Variants in FRMPD2 observed in about 807,000 individuals in gnomAD.
FRMPD2 encodes the protein FERM and PDZ domain containing 2.
Under a neutral mutation model 140.1 loss-of-function variants are expected in FRMPD2, and 96 were observed. The observed-to-expected ratio is 0.69, with a 90% confidence interval of 0.58 to 0.81. The LOEUF (loss-of-function observed/expected upper bound fraction) is 0.81, where lower values mean the gene tolerates loss of function less well. Ranked by LOEUF, FRMPD2 falls within the 40% of genes least tolerant of loss-of-function variation. FRMPD2 has a pLI of 0.00. For missense variants in FRMPD2, 1,240 were observed against 1,447.4 expected, an observed-to-expected ratio of 0.86 and a Z score of 2.32; for synonymous variants, 449 against 547.6, an observed-to-expected ratio of 0.82 and a Z score of 2.52.
At chr10:48,255,623 G>A (rs567815155) in intron 1 of FRMPD2, among the ~76,000 whole-genome samples, 1 of 152,340 alleles carries the variant, frequency 6.6e-6, no homozygotes, top group South Asian at 2.1e-4. Context: ...GAGAAGGTAA[G>A]CAAATAAAAT....
chr10:48,191,587 A>G (rs1838831271), intron 16 of FRMPD2, among the ~76,000 whole-genome samples: 1 of 152,184 alleles, frequency 6.6e-6, no homozygotes, highest in African/African-American at 2.4e-5. Context: ...AATTATGGAT[A>G]TAGATATAGG....
At chr10:48,265,053 A>G (rs1218611660) in intron 1 of FRMPD2, among the ~76,000 whole-genome samples, 1 of 152,234 alleles carries the variant, frequency 6.6e-6, no homozygotes, top group East Asian at 1.9e-4. Context: ...GCCCAGAAAT[A>G]AGGCCACACA....
rs1182500983 is a variant in FRMPD2 at position 48,223,236 on chromosome 10, T to A, written c.1203A>T (p.Arg401Ser). Residue 401 changes from arginine (R) to serine (S), a missense_variant, in exon 11 of 29, where the codon AGA (arginine) becomes AGT (serine). By Grantham distance (110) the Arg-to-Ser change is moderately radical. Transcript: ENST00000374201. Reference sequence around the variant, plus strand: ...AGCCTTCAGGAGCTATTTTGCACAATCTGGTTTCACTGTCCAGGAAAAAGA... The same window carrying A: ...AGCCTTCAGGAGCTATTTTGCACAAACTGGTTTCACTGTCCAGGAAAAAGA... ...KEFFFLDSET[R>S]LCKIAPEGWR... 3 of 1,613,830 alleles carry A rather than the reference T, an allele frequency of 1.9e-6. No homozygotes were observed. The Admixed American group carries it at 5.0e-5, about 27-fold the overall frequency.
chr10:48,206,926 T>C lies in FRMPD2; in HGVS notation c.1619A>G (p.Gln540Arg), dbSNP rs1190395006. Residue 540 changes from glutamine (Q) to arginine (R), a missense_variant, in exon 14 of 29, where the codon CAG (glutamine) becomes CGG (arginine). This residue lies in a region of FRMPD2 where 1,161 missense variants were observed against 1,055.9 expected (regional missense o/e 1.10). Transcript: ENST00000374201. ...CAGCACACCGTATTCTGGGAGCTGC[T>C]GAGTGACCTGGAGCAGAAAAAGGCT... ...DAELKFLRVT[Q>R]QLPEYGVLVH... 22 of 1,613,690 alleles carry C rather than the reference T, an allele frequency of 1.4e-5. No individual in the cohort carries two copies. Among genetic ancestry groups the C allele is most frequent in the Admixed American group, 6.7e-5 (4 of 59,986 alleles).
At chr10:48,260,508 A>G (rs1179421824) in intron 1 of FRMPD2, among the ~76,000 whole-genome samples, 2 of 152,186 alleles carry the variant, frequency 1.3e-5, no homozygotes, top group Non-Finnish European at 2.9e-5. Context: ...AGCACAATTC[A>G]AACTCTGATC....
At chr10:48,274,083 G>C (rs1840814789) in intron 1 of FRMPD2, among the ~76,000 whole-genome samples, 1 of 152,144 alleles carries the variant, frequency 6.6e-6, no homozygotes. Context: ...CTGAAAGATA[G>C]TGACAGCCAT....
At chr10:48,159,021 G>A in intron 28 of FRMPD2, 1 of 352,152 alleles carries the variant, frequency 2.8e-6, no homozygotes, top group Non-Finnish European at 5.6e-6. Context: ...AGCAGATTGG[G>A]CATTTCAGGC....
chr10:48,222,058 A>T (rs1305356907), intron 12 of FRMPD2, among the ~76,000 whole-genome samples: 2 of 149,886 alleles, frequency 1.3e-5, no homozygotes, highest in Non-Finnish European at 3.0e-5. Context: ...AGGTGGGTGG[A>T]TGGATGGATG....
intron 1 of FRMPD2, 26 bp downstream of exon 1, chr10:48,274,517 G>A (rs1202645138): frequency 6.8e-6 from 11 of 1,612,182 alleles, no homozygotes; most frequent in Non-Finnish European, 9.3e-6. Context: ...ATTTATAGGA[G>A]AAAACTGAAT....
intron 7 of FRMPD2, 21 bp from the exon 8 acceptor site, chr10:48,238,144 G>A (rs375993658): frequency 6.9e-6 from 11 of 1,602,290 alleles, no homozygotes; most frequent in African/African-American, 2.7e-5. Context: ...GTTGAGAAGG[G>A]GTGAAGCACT....
At chr10:48,203,946 C>T (rs971989712) in intron 14 of FRMPD2, among the ~76,000 whole-genome samples, 5 of 152,158 alleles carry the variant, frequency 3.3e-5, no homozygotes, top group Non-Finnish European at 4.4e-5. Flanking sequence ...TGGGGATACA[C>T]TTGGTTTAGA....
intron 12 of FRMPD2, among the ~76,000 whole-genome samples, chr10:48,219,985 G>A (rs947796643): frequency 6.6e-6 from 1 of 152,092 alleles, no homozygotes; most frequent in African/African-American, 2.4e-5. Context: ...CTAGAAAATT[G>A]AGTGATAATA....
In FRMPD2 at chr10:48,181,858, C is replaced by CATATATATATATATATATATATATAT. The variant is rs35165586; in HGVS notation, c.2585-851_2585-850insATATATATATATATATATATATATAT. ...ATATATGAAAGAATATATATTCCCT[C>CATATATATATATATATATATATATAT]ATATATATATATATATATATGGCTC... On this transcript the variant is annotated intron_variant, in intron 20 of 28. Transcript: ENST00000374201. Among the ~76,000 whole-genome samples the CATATATATATATATATATATATATAT allele has an allele frequency of 3.3e-3, 261 of 79,540 alleles. 10 individuals carry two copies. Among genetic ancestry groups the CATATATATATATATATATATATATAT allele is most frequent in the Non-Finnish European group, 4.4e-3 (162 of 37,124 alleles). 52.2% of individuals were successfully genotyped at this position (79,540 alleles called of 152,430 possible).
rs369562452 is a variant in FRMPD2 at position 48,262,027 on chromosome 10, C to A, written c.26-10336G>T. On this transcript the variant is annotated intron_variant, in intron 1 of 28. Coordinates refer to ENST00000374201, the MANE Select transcript of FRMPD2 (RefSeq NM_001018071.4). ...TACAACTAGAGAAGGCAGAAAAACA[C>A]GGGAAGATCTTAAAAAGAAACAAAA... Among the ~76,000 whole-genome samples, 10 of 152,034 alleles carry A rather than the reference C, an allele frequency of 6.6e-5. 1 individual carries two copies. In the East Asian group the frequency reaches 1.3e-3, roughly 21 times the overall value.
At chr10:48,234,622 A>G (rs1483498051) in intron 9 of FRMPD2, among the ~76,000 whole-genome samples, 4 of 152,176 alleles carry the variant, frequency 2.6e-5, no homozygotes, top group Non-Finnish European at 5.9e-5. Context: ...AGAGTGACAC[A>G]GGAAACCCTG....
intron 1 of FRMPD2, among the ~76,000 whole-genome samples, chr10:48,259,531 A>C (rs757042507): frequency 2.0e-5 from 3 of 152,186 alleles, no homozygotes; most frequent in Non-Finnish European, 4.4e-5. Context: ...CTTGTATATA[A>C]GAAGAACGAT....
At chr10:48,264,156 A>C (rs1588861383) in intron 1 of FRMPD2, among the ~76,000 whole-genome samples, 1 of 151,910 alleles carries the variant, frequency 6.6e-6, no homozygotes, top group South Asian at 2.1e-4. Flanking sequence ...TCTTTTTAAA[A>C]TATGTAAAAA....
At chr10:48,188,516 G>A (rs1838746081) in intron 16 of FRMPD2, among the ~76,000 whole-genome samples, 1 of 152,250 alleles carries the variant, frequency 6.6e-6, no homozygotes, top group South Asian at 2.1e-4. Context: ...CCAAGGCACT[G>A]AGGGTAAAGG....
At chr10:48,189,312 T>G (rs1367024) in intron 16 of FRMPD2, among the ~76,000 whole-genome samples, 1 of 151,982 alleles carries the variant, frequency 6.6e-6, no homozygotes, top group East Asian at 1.9e-4. Context: ...AGCCACACCT[T>G]CACCTGAGGC....
Sources: gnomAD v4.1 joint callset for allele counts (sites outside exome capture counted in the v4.1 genomes callset) on GRCh38, gnomAD v4.1.1 for gene constraint, gnomAD v4.1.1 regional missense constraint, MANE v1.5 for transcripts, NCBI Gene and HGNC (gene_info 2026-07-23, HGNC 2026-07-21) for gene names.